The following POLR1C variants were observed in gnomAD, a reference collection of about 807,000 sequenced individuals.
POLR1C encodes DNA-directed RNA polymerases I and III subunit RPAC1.
Under a neutral mutation model 38.3 loss-of-function variants are expected in POLR1C, and 42 were observed. The ratio of observed to expected loss-of-function variants is 1.10; its 90% CI spans 0.86 to 1.42. POLR1C has a LOEUF of 1.42. POLR1C is among the 40% of genes most tolerant of loss of function. The pLI is 0.00. For missense variants in POLR1C, 507 were observed against 450.5 expected (o/e 1.13, Z -1.14); for synonymous variants, 163 against 163.9 (o/e 0.99, Z 0.04).
At position 43,520,319 on chromosome 6, in the gene POLR1C, G is replaced by C; in HGVS notation, c.547G>C (p.Asp183His). The change falls in exon 6 of 9, where the codon GAT becomes CAT. Residue 183 changes from aspartate to histidine, a missense_variant. By Grantham distance (81) the Asp-to-His change is moderately conservative. Coordinates refer to ENST00000642195, the MANE Select transcript of POLR1C (RefSeq NM_203290.4). The part of the protein sequence containing the change: ...MTWIPLGNQA[D>H]LFPEGTIRPV... ...ATGGATCCCCCTGGGGAACCAGGCT[G>C]ATCTCTTTCCAGAGGGCACTATCCG... The C allele has an allele frequency of 1.2e-6, 2 of 1,613,228 alleles. No individual in the cohort carries two copies. The highest frequency in any genetic ancestry group is 1.7e-6 in the Non-Finnish European group (2 of 1,180,036).
intron 2 of POLR1C, among the ~76,000 whole-genome samples, chr6:43,518,778 G>C (rs1264560394): frequency 6.6e-6 from 1 of 152,164 alleles, no homozygotes; most frequent in Non-Finnish European, 1.5e-5. Flanking sequence ...CCGCCTCCCG[G>C]GTTCAAGCAG....
rs111466474 is a variant in POLR1C, at chr6:43,554,575, C to T, written c.*48+3564C>T. Reference sequence around the variant, plus strand: ...GAGTAGCTAGGATTAAAGGGGCCCACCACCACGCCTGGCTAATTTTTTGTT... The same window carrying T: ...GAGTAGCTAGGATTAAAGGGGCCCATCACCACGCCTGGCTAATTTTTTGTT... On this transcript the variant is annotated intron_variant, in intron 10 of 10. Coordinates refer to the POLR1C transcript ENST00000607635. Among the ~76,000 whole-genome samples the T allele has an allele frequency of 5.5e-3, 834 of 152,136 alleles. 9 individuals are homozygous for T. The highest frequency in any genetic ancestry group is 0.019 in the African/African-American group (774 of 41,496).
intron 9 of POLR1C, among the ~76,000 whole-genome samples, chr6:43,542,342 G>T (rs988695010): frequency 6.6e-6 from 1 of 152,042 alleles, no homozygotes; most frequent in African/African-American, 2.4e-5. Flanking sequence ...GACGCAGGAG[G>T]TGCTATGAAT....
downstream of POLR1C, chr6:43,525,673 G>A: frequency 6.0e-6 from 4 of 663,116 alleles, no homozygotes; most frequent in East Asian, 1.1e-4. Flanking sequence ...AGACACCATG[G>A]CATTGCACCT....
chr6:43,532,626 GC>G (rs544093670), downstream of POLR1C, among the ~76,000 whole-genome samples: 27 of 152,248 alleles, frequency 1.8e-4, 1 homozygote, highest in East Asian at 4.8e-3. Flanking sequence ...TGTCCAGAAT[GC>G]CCAGCATTTC....
chr6:43,529,005 G>A (rs1016044762), intron 8 of POLR1C: 1 of 1,333,332 alleles, frequency 7.5e-7, no homozygotes, highest in African/African-American at 1.5e-5. Context: ...CCCCTGGGCA[G>A]AATCAATCCC....
intron 10 of POLR1C, among the ~76,000 whole-genome samples, chr6:43,552,954 T>C (rs1456026625): frequency 1.3e-5 from 2 of 152,162 alleles, no homozygotes; most frequent in South Asian, 2.1e-4. Flanking sequence ...TTGAGTATGC[T>C]ATTTAGCCTC....
intron 9 of POLR1C, among the ~76,000 whole-genome samples, chr6:43,547,155 A>C (rs887009777): frequency 2.6e-5 from 4 of 152,206 alleles, no homozygotes; most frequent in Admixed American, 1.3e-4. Context: ...GGTACTCTGA[A>C]TCAACCTACT....
downstream of POLR1C, chr6:43,533,741 AG>A: frequency 5.0e-6 from 2 of 402,832 alleles, no homozygotes; most frequent in South Asian, 5.0e-5. Flanking sequence ...AGGCTGAGGC[AG>A]GAAGACTGCT....
chr6:43,540,218 T>C (rs1349585486), intron 9 of POLR1C, among the ~76,000 whole-genome samples: 1 of 152,190 alleles, frequency 6.6e-6, no homozygotes, highest in Admixed American at 6.5e-5. Flanking sequence ...GGTGAAACCC[T>C]GTCTCTACTG....
At chr6:43,528,641 A>G (rs1320171991) in intron 8 of POLR1C, among the ~76,000 whole-genome samples, 4 of 152,122 alleles carry the variant, frequency 2.6e-5, no homozygotes, top group East Asian at 1.9e-4. Flanking sequence ...TGGCAATTAA[A>G]TCAGTTTAGT....
intron 9 of POLR1C, among the ~76,000 whole-genome samples, chr6:43,538,615 T>G (rs1017437162): frequency 3.3e-5 from 5 of 152,216 alleles, no homozygotes; most frequent in African/African-American, 1.2e-4. Context: ...TTAAAAGACT[T>G]ATTACTAGCT....
At chr6:43,523,982 T>G, downstream of POLR1C, 1 of 1,613,618 alleles carries the variant, frequency 6.2e-7, no homozygotes, top group East Asian at 2.2e-5. Flanking sequence ...GAACTTCTTT[T>G]CGGAACTGCT....
chr6:43,520,893 T>A (rs759946050), intron 7 of POLR1C, 39 bp from the exon 8 acceptor site: 1 of 1,607,932 alleles, frequency 6.2e-7, no homozygotes, highest in African/African-American at 1.3e-5. Context: ...AGTGGCAAAT[T>A]AGAAAAAGGA....
downstream of POLR1C, chr6:43,533,917 AG>A: frequency 6.2e-7 from 1 of 1,602,272 alleles, no homozygotes. Flanking sequence ...CTAATATAGC[AG>A]ATTTTTCCGC....
intron 9 of POLR1C, among the ~76,000 whole-genome samples, chr6:43,536,631 C>A (rs985465853): frequency 6.7e-6 from 1 of 150,206 alleles, no homozygotes; most frequent in Non-Finnish European, 1.5e-5. Context: ...TGGTGGCACA[C>A]GCCTGTAAAT....
chr6:43,524,864 C>T (rs1434773636), downstream of POLR1C: 1 of 1,613,886 alleles, frequency 6.2e-7, no homozygotes, highest in Non-Finnish European at 8.5e-7. Flanking sequence ...CCAGATGGAC[C>T]AGGGAAGCCA....
At chr6:43,525,555 G>A, downstream of POLR1C, 1 of 525,158 alleles carries the variant, frequency 1.9e-6, no homozygotes, top group South Asian at 2.7e-5. Flanking sequence ...TGTATGTGTA[G>A]GATGGAGACA....
chr6:43,544,198 C>T (rs780455449), intron 9 of POLR1C: 5 of 164,604 alleles, frequency 3.0e-5, no homozygotes, highest in Admixed American at 3.0e-4. Flanking sequence ...CTGTTAGCCT[C>T]CTAAATGAAA....
Sources: allele counts gnomAD v4.1 joint callset (sites outside exome capture counted in the v4.1 genomes callset), GRCh38; gene constraint gnomAD v4.1.1; transcripts MANE v1.5; gene names NCBI Gene and HGNC (gene_info 2026-07-23, HGNC 2026-07-21).